Variants in CREB5 observed in about 807,000 individuals in gnomAD.
CREB5 encodes cyclic AMP-responsive element-binding protein 5.
CREB5 carries 19 observed loss-of-function variants against 57.1 expected under a neutral mutation model. The observed-to-expected ratio is 0.33, with a 90% CI of 0.23 to 0.49. CREB5 has a LOEUF of 0.49. Ranked by LOEUF, CREB5 falls within the 20% of genes least tolerant of loss-of-function variation. The pLI is 0.99. For missense variants in CREB5, 579 were observed against 671.6 expected (o/e 0.86, Z 1.52); for synonymous variants, 238 against 238.3 (o/e 1.00, Z 0.01).
intron 5 of CREB5, among the ~76,000 whole-genome samples, chr7:28,634,527 T>G (rs1425615585): frequency 6.6e-6 from 1 of 152,180 alleles, no homozygotes; most frequent in South Asian, 2.1e-4. Context: ...AAACCTTAGA[T>G]GGCCACAATT....
intron 5 of CREB5, among the ~76,000 whole-genome samples, chr7:28,622,863 G>A (rs1797857659): frequency 6.6e-6 from 1 of 151,838 alleles, no homozygotes; most frequent in Admixed American, 6.6e-5. Context: ...CTCTATTTTT[G>A]AAAATAATAA....
At chr7:28,733,356 G>A (rs1014943867) in intron 7 of CREB5, among the ~76,000 whole-genome samples, 7 of 152,126 alleles carry the variant, frequency 4.6e-5, no homozygotes, top group Non-Finnish European at 8.8e-5. Context: ...CTGAGCCTCA[G>A]TTTGGTCCAG....
chr7:28,635,244 G>A (rs1218502735), intron 5 of CREB5, among the ~76,000 whole-genome samples: 2 of 152,160 alleles, frequency 1.3e-5, no homozygotes, highest in Non-Finnish European at 2.9e-5. Context: ...CACTGATATT[G>A]CTCATATTTT....
chr7:28,474,741 G>A (rs988907362), intron 1 of CREB5, among the ~76,000 whole-genome samples: 1 of 152,102 alleles, frequency 6.6e-6, no homozygotes, highest in African/African-American at 2.4e-5. Context: ...TTGAAAAGGG[G>A]GATAGGAACA....
intron 7 of CREB5, among the ~76,000 whole-genome samples, chr7:28,725,592 A>T (rs1288442147): frequency 2.0e-5 from 3 of 151,960 alleles, no homozygotes; most frequent in African/African-American, 4.8e-5. Flanking sequence ...GGCAGAATAA[A>T]GTTCAAACTG....
At chr7:28,588,688 C>G (rs185917836) in intron 5 of CREB5, among the ~76,000 whole-genome samples, 6 of 152,330 alleles carry the variant, frequency 3.9e-5, no homozygotes, top group Non-Finnish European at 7.3e-5. Context: ...CAAAACCATG[C>G]AAAACTGTAC....
At chr7:28,367,286 G>T (rs1049344521) in intron 1 of CREB5, among the ~76,000 whole-genome samples, 25 of 152,110 alleles carry the variant, frequency 1.6e-4, no homozygotes, top group Admixed American at 1.3e-4. Context: ...ACAACCTCAA[G>T]CTCAGTTGCC....
rs118110626 is a variant in CREB5, at chr7:28,466,583, G to T, written c.4-21592G>T. ...TTCCTTCTTTCTGACTAAGCTTTTC[G>T]TGTCACAAGACCAATATTACCAATC... On this transcript the variant is annotated intron_variant, in intron 1 of 10. Transcript: ENST00000357727. Among the ~76,000 whole-genome samples the T allele has an allele frequency of 6.0e-4, 91 of 152,150 alleles. No individual in the cohort carries two copies. The East Asian group carries it at 0.017, about 28-fold the overall frequency.
chr7:28,516,809 G>T (rs1161015706), intron 4 of CREB5, among the ~76,000 whole-genome samples: 1 of 152,238 alleles, frequency 6.6e-6, no homozygotes, highest in Non-Finnish European at 1.5e-5. Flanking sequence ...AAGCCAGGCT[G>T]CAATTTCAAG....
At chr7:28,353,276 T>A (rs1786271033) in intron 1 of CREB5, among the ~76,000 whole-genome samples, 1 of 151,980 alleles carries the variant, frequency 6.6e-6, no homozygotes, top group Non-Finnish European at 1.5e-5. Context: ...AGAGGCGGGA[T>A]TGCACCATGT....
intron 5 of CREB5, among the ~76,000 whole-genome samples, chr7:28,626,866 G>A (rs1230649629): frequency 3.9e-5 from 6 of 152,108 alleles, no homozygotes; most frequent in Admixed American, 6.5e-5. Context: ...GGGGAAAGGG[G>A]CCCCAGGACG....
intron 9 of CREB5, among the ~76,000 whole-genome samples, chr7:28,817,324 A>G (rs1301468354): frequency 6.6e-6 from 1 of 152,214 alleles, no homozygotes; most frequent in African/African-American, 2.4e-5. Context: ...GGCATCAGGC[A>G]GGTAGATGTG....
At chr7:28,329,547 G>A (rs1198482197) in intron 1 of CREB5, among the ~76,000 whole-genome samples, 2 of 152,108 alleles carry the variant, frequency 1.3e-5, no homozygotes, top group South Asian at 2.1e-4. Context: ...TTGACTTCTC[G>A]CCGACTTGTT....
intron 1 of CREB5, among the ~76,000 whole-genome samples, chr7:28,471,693 T>C (rs1488435469): frequency 6.6e-6 from 1 of 152,332 alleles, no homozygotes; most frequent in South Asian, 2.1e-4. Flanking sequence ...AAACAAATGA[T>C]CATCTGCAGA....
Position 28,761,530 on chromosome 7 carries a change from CA to C in CREB5, c.702+37199del, listed in dbSNP as rs568309167. ...CAGGAACATGGCATAAATCCCCAAC[CA>C]GTACATTTATCCAATTAGATTTAAA... On this transcript the variant is annotated intron_variant, in intron 7 of 10. Transcript: ENST00000357727. Among the ~76,000 whole-genome samples the C allele has an allele frequency of 7.6e-3, 1,150 of 152,274 alleles. 10 individuals are homozygous for C. The highest frequency in any genetic ancestry group is 0.026 in the African/African-American group (1,086 of 41,558).
rs189844068 is a variant in CREB5, at chr7:28,797,506, C to T, written c.703-6693C>T. On this transcript the variant is annotated intron_variant, in intron 7 of 10. Coordinates refer to ENST00000357727, the MANE Select transcript of CREB5 (RefSeq NM_182898.4). ...TGGGTAATGTTTCCTTCCAACCTGG[C>T]GGACTTATTTGAAGTTTTATTAGCA... 3.1e-3 allele frequency among the ~76,000 whole-genome samples: 475 copies of T among 152,226 alleles called. 5 individuals carry two copies. The highest frequency in any genetic ancestry group is 9.9e-3 in the African/African-American group (412 of 41,528).
At chr7:28,584,234 G>C (rs1166741560) in intron 5 of CREB5, among the ~76,000 whole-genome samples, 1 of 152,122 alleles carries the variant, frequency 6.6e-6, no homozygotes, top group African/African-American at 2.4e-5. Context: ...GCGAGGCCCT[G>C]TGGTTTTCCT....
chr7:28,492,568 T>C (rs980961853), intron 2 of CREB5, among the ~76,000 whole-genome samples: 6 of 152,136 alleles, frequency 3.9e-5, no homozygotes, highest in Non-Finnish European at 7.4e-5. Context: ...AAGGTAATTA[T>C]AGTCAGTATG....
intron 5 of CREB5, chr7:28,686,027 G>A (rs1211677179): frequency 9.4e-7 from 1 of 1,064,484 alleles, no homozygotes; most frequent in Non-Finnish European, 1.4e-6. Flanking sequence ...GCCAGAGCTA[G>A]GCGCAAAAGA....
Sources: allele counts gnomAD v4.1 joint callset (sites outside exome capture counted in the v4.1 genomes callset), GRCh38; gene constraint gnomAD v4.1.1; transcripts MANE v1.5; gene names NCBI Gene and HGNC (gene_info 2026-07-23, HGNC 2026-07-21).